BICRA: variants seen among roughly 807,000 people sequenced by gnomAD.
BICRA encodes BRD4-interacting chromatin-remodeling complex-associated protein.
A neutral mutation model predicts 96.9 loss-of-function variants in BICRA; 31 were observed. That is an observed-to-expected ratio of 0.32 (90% CI 0.24 to 0.43). BICRA has a LOEUF of 0.43. Ranked by LOEUF, BICRA falls within the 20% of genes least tolerant of loss-of-function variation. The pLI is 1.00. For missense variants in BICRA, 2,283 were observed against 2,190.3 expected (o/e 1.04, Z -0.84); for synonymous variants, 1,350 against 1,071.8 (o/e 1.26, Z -5.07).
intron 1 of BICRA, among the ~76,000 whole-genome samples, chr19:47,647,309 G>A (rs977048549): frequency 6.6e-6 from 1 of 152,112 alleles, no homozygotes; most frequent in African/African-American, 2.4e-5. Flanking sequence ...CTACATGGGA[G>A]TGGAATTGGT....
At chr19:47,700,233 G>C (rs566803796) in intron 14 of BICRA, 1 of 152,370 alleles carries the variant, frequency 6.6e-6, no homozygotes, top group East Asian at 1.9e-4. Flanking sequence ...GGGTTATGAT[G>C]ATCAGCTTAC....
chr19:47,696,728 G>T (rs1162255246), intron 11 of BICRA, among the ~76,000 whole-genome samples: 1 of 152,204 alleles, frequency 6.6e-6, no homozygotes, highest in South Asian at 2.1e-4. Flanking sequence ...CTGTGGCTCC[G>T]CCAGGCTGGG....
Position 47,682,828 on chromosome 19 carries a change from T to C in BICRA, c.2283+676T>C, listed in dbSNP as rs533369600. Among the ~76,000 whole-genome samples the C allele has an allele frequency of 4.6e-5, 7 of 152,202 alleles. No homozygotes were observed. The South Asian group carries it at 1.2e-3, about 27-fold the overall frequency. On this transcript the variant is annotated intron_variant, in intron 7 of 14. Coordinates refer to ENST00000594866, the MANE Select transcript of BICRA (RefSeq NM_001394372.1). Reference sequence around the variant, plus strand: ...CTGGAGTTACAGGTGCCCGCCACCATGCTGGGCTAATTTTTGTATTTTTAA... The same window carrying C: ...CTGGAGTTACAGGTGCCCGCCACCACGCTGGGCTAATTTTTGTATTTTTAA...
At chr19:47,651,378 C>T (rs1972538584) in intron 1 of BICRA, among the ~76,000 whole-genome samples, 1 of 152,116 alleles carries the variant, frequency 6.6e-6, no homozygotes, top group African/African-American at 2.4e-5. Context: ...ATGTCCTCCT[C>T]CTTCTGCCTG....
Position 47,694,838 on chromosome 19 carries a change from G to T in BICRA, c.2896-62G>T. 2.3e-6 allele frequency: 3 copies of T among 1,292,854 alleles called. No individual in the cohort carries two copies. In the South Asian group the frequency reaches 4.2e-5, roughly 18 times the overall value. 80.1% of individuals were successfully genotyped at this position (1,292,854 alleles called of 1,614,324 possible). A position where few individuals can be genotyped will look rare whatever the true frequency, so the allele number is the denominator to read the frequency against. ...CTGTGATCCTCCCCAGCCCTGCTGC[G>T]TCTGGACACCCCTACACCTAGCCTA... is the stretch of plus-strand genomic sequence containing the variant. On this transcript the variant is annotated intron_variant, in intron 8 of 14. Transcript: ENST00000594866.
chr19:47,631,062 T>C (rs758196773), intron 1 of BICRA, among the ~76,000 whole-genome samples: 1 of 152,112 alleles, frequency 6.6e-6, no homozygotes, highest in Non-Finnish European at 1.5e-5. Context: ...TTGATTTATG[T>C]TTTTGGGGTT....
chr19:47,629,152 C>A (rs1481173791), intron 1 of BICRA, among the ~76,000 whole-genome samples: 1 of 152,164 alleles, frequency 6.6e-6, no homozygotes, highest in Non-Finnish European at 1.5e-5. Flanking sequence ...CAGGTGCCCA[C>A]CACCACGCCC....
At chr19:47,659,726 A>ACACACACG (rs1555787529) in intron 1 of BICRA, among the ~76,000 whole-genome samples, 5 of 141,174 alleles carry the variant, frequency 3.5e-5, no homozygotes, top group African/African-American at 1.4e-4. Context: ...ACACACACAC[A>ACACACACG]CACACACGTT....
rs920390950 is a variant in BICRA, at chr19:47,698,362, A to T, written c.3249-272A>T. On this transcript the variant is annotated intron_variant, in intron 11 of 14. Coordinates refer to ENST00000594866, the MANE Select transcript of BICRA (RefSeq NM_001394372.1). The surrounding 1 kb of genome is among the most constrained non-coding windows in gnomAD (Gnocchi z 4.8). ...CTTCCCGCTCTGCTCTTCCTCCCTT[A>T]CGTGCTTTGGAGAGGAGTGACTTCA... is the stretch of plus-strand genomic sequence containing the variant. 6.6e-6 allele frequency among the ~76,000 whole-genome samples: 1 copy of T among 152,082 alleles called. No homozygotes were observed. Among genetic ancestry groups the T allele is most frequent in the Non-Finnish European group, 1.5e-5 (1 of 67,994 alleles).
Position 47,699,303 on chromosome 19 carries a change from A to C in BICRA, c.3493A>C (p.Arg1165=), listed in dbSNP as rs1973403070. The part of the protein sequence containing the change: ...YRLLLLEESR[R]VSPSAEMVMI... ...CACGTCGTCTTTTCCCCCACCCCAG[A>C]GGGTGAGCCCCTCAGCGGAGATGGT... is the stretch of plus-strand genomic sequence containing the variant. Residue 1165 remains arginine (R), a splice_region_variant and synonymous_variant, in exon 14 of 15, where the codon AGG becomes CGG. Transcript: ENST00000594866. This position sits in a 1 kb window ranked among gnomAD's most constrained non-coding sequence, Gnocchi z 5.0. 1 of 1,547,026 alleles carries C rather than the reference A, an allele frequency of 6.5e-7. No individual in the cohort carries two copies. Among genetic ancestry groups the C allele is most frequent in the African/African-American group, 1.4e-5 (1 of 73,106 alleles).
chr19:47,613,744 C>G (rs1971944370), intron 1 of BICRA, among the ~76,000 whole-genome samples: 1 of 152,108 alleles, frequency 6.6e-6, no homozygotes, highest in Non-Finnish European at 1.5e-5. Context: ...GGGAGTGTCT[C>G]CTGGTTCCGT....
intron 1 of BICRA, among the ~76,000 whole-genome samples, chr19:47,647,703 G>T (rs1042691588): frequency 2.6e-5 from 4 of 152,056 alleles, no homozygotes; most frequent in Non-Finnish European, 5.9e-5. Context: ...TGCCTCTGTT[G>T]CTGGTTTTAG....
chr19:47,620,290 A>T (rs1972045877), intron 1 of BICRA, among the ~76,000 whole-genome samples: 1 of 151,948 alleles, frequency 6.6e-6, no homozygotes, highest in Non-Finnish European at 1.5e-5. Flanking sequence ...GAATGAATGG[A>T]TGGGTGGATG....
At position 47,702,033 on chromosome 19, in the gene BICRA, C is replaced by T. The variant is rs1220871515; in HGVS notation, c.4301C>T (p.Ala1434Val). 6.7e-7 allele frequency: 1 copy of T among 1,491,114 alleles called. No individual in the cohort carries two copies. The highest frequency in any genetic ancestry group is 1.3e-5 in the South Asian group (1 of 79,062). 92.4% of individuals were successfully genotyped at this position (1,491,114 alleles called of 1,614,324 possible). A position where few individuals can be genotyped will look rare whatever the true frequency, so the allele number is the denominator to read the frequency against. ...ATSGLIRELA[A>V]VEDELYQRML... ...AGCGGGCTCATCCGCGAGCTGGCGG[C>T]CGTGGAGGACGAGCTGTACCAGCGT... is the stretch of plus-strand genomic sequence containing the variant. Residue 1434 changes from alanine to valine, a missense_variant, in exon 15 of 15, where the codon GCC (alanine) becomes GTC (valine). Transcript: ENST00000594866.
Position 47,680,182 on chromosome 19 carries a change from C to T in BICRA, c.1012C>T (p.Pro338Ser), listed in dbSNP as rs1000826730. ...AGGCCTCGGCTCGTCGCCACTGGTC[C>T]CGGCGCCCAACGTGATCCTGCATCG... ...APGLGSSPLV[P>S]APNVILHRTP... The change falls in exon 6 of 15, where the codon CCG (proline) becomes TCG (serine). Residue 338 changes from proline to serine, a missense_variant. Transcript: ENST00000594866. 1.9e-6 allele frequency: 3 copies of T among 1,542,902 alleles called. No individual in the cohort carries two copies. The highest frequency in any genetic ancestry group is 8.7e-7 in the Non-Finnish European group (1 of 1,153,300).
At chr19:47,655,860 A>AAAAAAT (rs145572349) in intron 1 of BICRA, among the ~76,000 whole-genome samples, 58 of 150,638 alleles carry the variant, frequency 3.9e-4, no homozygotes, top group Non-Finnish European at 5.6e-4. Flanking sequence ...CATCTCAAAA[A>AAAAAAT]AAAAATAAAA....
At chr19:47,626,867 G>A (rs1022945499) in intron 1 of BICRA, among the ~76,000 whole-genome samples, 47 of 151,676 alleles carry the variant, frequency 3.1e-4, no homozygotes, top group African/African-American at 9.7e-4. Flanking sequence ...GATTACAGGC[G>A]CCCACCACCA....
At chr19:47,696,395 CG>C in intron 10 of BICRA, 55 bp from the exon 11 acceptor site, 2 of 1,493,654 alleles carry the variant, frequency 1.3e-6, no homozygotes, top group Non-Finnish European at 9.1e-7. Context: ...GGAAGCTGGT[CG>C]GGGGAGGGAA....
At chr19:47,676,293 C>T (rs983522903) in intron 5 of BICRA, among the ~76,000 whole-genome samples, 6 of 152,066 alleles carry the variant, frequency 3.9e-5, no homozygotes, top group African/African-American at 9.7e-5. Context: ...GCCTGGGGTC[C>T]TGCCCAACTC....
Sources: allele counts gnomAD v4.1 joint callset (sites outside exome capture counted in the v4.1 genomes callset), GRCh38; gene constraint gnomAD v4.1.1; non-coding constraint Gnocchi (gnomAD v3.1); transcripts MANE v1.5; gene names NCBI Gene and HGNC (gene_info 2026-07-23, HGNC 2026-07-21).